The following CDC42BPA variants were observed in gnomAD, a reference collection of about 807,000 sequenced individuals.
CDC42BPA encodes CDC42 binding protein kinase alpha.
A neutral mutation model predicts 223.5 loss-of-function variants in CDC42BPA; 80 were observed. That is an observed-to-expected ratio of 0.36 (90% confidence interval 0.30 to 0.43). The LOEUF (loss-of-function observed/expected upper bound fraction) is 0.43, where lower values mean the gene tolerates loss of function less well. CDC42BPA is among the 20% of genes least tolerant of loss of function. The probability of loss-of-function intolerance (pLI) is 1.00; values close to 1 mark genes in which losing one functional copy is unlikely to be tolerated. For missense variants in CDC42BPA, 1,743 were observed against 2,099.9 expected (o/e 0.83, Z 3.32); for synonymous variants, 694 against 718.6 (o/e 0.97, Z 0.55).
chr1:227,048,132 TAATAATA>T (rs1179506238), intron 22 of CDC42BPA, 122 bp from the exon 23 acceptor site: 1 of 506,472 alleles, frequency 2.0e-6, no homozygotes, highest in East Asian at 3.1e-5. Flanking sequence ...TTCTACTAAT[TAATAATA>T]AAGAAAACCT....
chr1:227,007,066 T>A (rs994212245), intron 34 of CDC42BPA, among the ~76,000 whole-genome samples: 1 of 152,144 alleles, frequency 6.6e-6, no homozygotes, highest in Non-Finnish European at 1.5e-5. Context: ...AACTCTATAA[T>A]GGAAATGCAA....
intron 4 of CDC42BPA, among the ~76,000 whole-genome samples, chr1:227,194,423 A>G (rs144318481): frequency 7.7e-4 from 117 of 152,356 alleles, no homozygotes; most frequent in African/African-American, 2.5e-3. Flanking sequence ...CCTATAGATC[A>G]GCATTTAGAA....
chr1:227,305,000 C>T (rs1446769284), intron 1 of CDC42BPA, among the ~76,000 whole-genome samples: 6 of 152,150 alleles, frequency 3.9e-5, no homozygotes, highest in Non-Finnish European at 8.8e-5. Context: ...CACACACATA[C>T]ATACATAATA....
At chr1:227,278,012 G>C (rs759442035) in intron 1 of CDC42BPA, among the ~76,000 whole-genome samples, 13 of 152,316 alleles carry the variant, frequency 8.5e-5, no homozygotes, top group African/African-American at 3.1e-4. Flanking sequence ...GCCTTCCTAA[G>C]TGCTGGGATT....
chr1:227,009,390 G>C (rs894131288), intron 34 of CDC42BPA, among the ~76,000 whole-genome samples: 2 of 151,916 alleles, frequency 1.3e-5, no homozygotes, highest in Non-Finnish European at 2.9e-5. Flanking sequence ...ACATTTCCAT[G>C]GTCTTTTATA....
chr1:227,316,267 C>G (rs910642367), intron 1 of CDC42BPA, among the ~76,000 whole-genome samples: 2 of 152,104 alleles, frequency 1.3e-5, no homozygotes, highest in African/African-American at 4.8e-5. Flanking sequence ...GGTCATGGAG[C>G]GTTTGCTCAC....
intron 3 of CDC42BPA, among the ~76,000 whole-genome samples, chr1:227,205,317 CACAG>C (rs200976027): frequency 0.091 from 13,204 of 144,802 alleles, 804 homozygotes; most frequent in Middle Eastern, 0.15. Context: ...CACACACACA[CACAG>C]AGAGCCATTC....
At chr1:227,144,850 T>C (rs1660421894) in intron 8 of CDC42BPA, among the ~76,000 whole-genome samples, 1 of 152,070 alleles carries the variant, frequency 6.6e-6, no homozygotes, top group African/African-American at 2.4e-5. Context: ...TGGACTATTT[T>C]CCCTATTGAT....
intron 8 of CDC42BPA, 47 bp from the exon 9 acceptor site, chr1:227,143,071 C>G (rs757416183): frequency 8.3e-7 from 1 of 1,211,396 alleles, no homozygotes; most frequent in Admixed American, 3.0e-5. Context: ...GCTATATGAT[C>G]TGTAGGCTTG....
intron 23 of CDC42BPA, among the ~76,000 whole-genome samples, chr1:227,045,090 T>C (rs759711530): frequency 1.5e-4 from 23 of 152,320 alleles, no homozygotes; most frequent in Non-Finnish European, 2.9e-4. Context: ...CTGTGTACAA[T>C]TCCTTCTTCT....
At chr1:227,044,922 C>A (rs1672121321) in intron 23 of CDC42BPA, among the ~76,000 whole-genome samples, 1 of 152,124 alleles carries the variant, frequency 6.6e-6, no homozygotes, top group Admixed American at 6.6e-5. Context: ...ACTAAATCTT[C>A]CAGACTCTTC....
intron 15 of CDC42BPA, among the ~76,000 whole-genome samples, chr1:227,100,777 T>TGTGTGTGCGC (rs777124731): frequency 0.047 from 6,053 of 128,484 alleles, 156 homozygotes; most frequent in Non-Finnish European, 0.066. Context: ...TGTGTGTGTG[T>TGTGTGTGCGC]GCGTGTGCCA....
intron 1 of CDC42BPA, among the ~76,000 whole-genome samples, chr1:227,268,720 C>T (rs1238087957): frequency 6.8e-6 from 1 of 146,046 alleles, no homozygotes; most frequent in Non-Finnish European, 1.5e-5. Context: ...GGGTCTTGCT[C>T]TGTCATTCAG....
intron 2 of CDC42BPA, among the ~76,000 whole-genome samples, chr1:227,217,683 T>C (rs1247882976): frequency 6.6e-6 from 1 of 152,118 alleles, no homozygotes; most frequent in Non-Finnish European, 1.5e-5. Context: ...CAACATGTTC[T>C]GGCCCTCCAC....
At chr1:227,166,106 GTC>G (rs1664988686) in intron 5 of CDC42BPA, among the ~76,000 whole-genome samples, 5 of 152,134 alleles carry the variant, frequency 3.3e-5, no homozygotes, top group African/African-American at 9.7e-5. Flanking sequence ...ATATTAATTG[GTC>G]TCTGTTTATC....
intron 5 of CDC42BPA, among the ~76,000 whole-genome samples, chr1:227,180,756 G>A (rs1031234358): frequency 2.0e-5 from 3 of 152,128 alleles, no homozygotes; most frequent in African/African-American, 4.8e-5. Flanking sequence ...CATGATAATC[G>A]AACATAACAT....
chr1:227,147,666 T>G, intron 6 of CDC42BPA, 107 bp from the exon 7 acceptor site: 1 of 562,308 alleles, frequency 1.8e-6, no homozygotes, highest in Non-Finnish European at 3.0e-6. Flanking sequence ...CACATCTTTG[T>G]CATTATCTGA....
intron 1 of CDC42BPA, among the ~76,000 whole-genome samples, chr1:227,293,205 C>T (rs1690000877): frequency 6.6e-6 from 1 of 152,132 alleles, no homozygotes; most frequent in African/African-American, 2.4e-5. Flanking sequence ...GCAAAACAGA[C>T]ACAGTCCCTG....
At chr1:227,107,576 A>T (rs1258429818) in intron 14 of CDC42BPA, among the ~76,000 whole-genome samples, 2 of 152,138 alleles carry the variant, frequency 1.3e-5, no homozygotes, top group Non-Finnish European at 2.9e-5. Context: ...TGCCTTCTCA[A>T]AAAAGAGTTT....
Sources: gnomAD v4.1 joint callset for allele counts (sites outside exome capture counted in the v4.1 genomes callset) on GRCh38, gnomAD v4.1.1 for gene constraint, MANE v1.5 for transcripts, NCBI Gene and HGNC (gene_info 2026-07-23, HGNC 2026-07-21) for gene names.